The following TRPC6 variants were observed in gnomAD, a reference collection of about 807,000 sequenced individuals.
TRPC6 encodes the protein transient receptor potential cation channel subfamily C member 6.
A neutral mutation model predicts 90.7 loss-of-function variants in TRPC6; 55 were observed. The observed-to-expected ratio is 0.61, with a 90% CI of 0.49 to 0.76. The LOEUF (loss-of-function observed/expected upper bound fraction) is 0.76. TRPC6 is among the 30% of genes least tolerant of loss of function. The pLI, the probability that TRPC6 is intolerant of heterozygous loss-of-function variation, is 0.00. For synonymous variants in TRPC6, 393 were observed against 393.0 expected, an observed-to-expected ratio of 1.00 and a Z score of 0.00; for missense variants, 989 against 1,122.7, an observed-to-expected ratio of 0.88 and a Z score of 1.70.
intron 1 of TRPC6, among the ~76,000 whole-genome samples, chr11:101,548,929 G>A (rs765511993): frequency 6.6e-6 from 1 of 151,870 alleles, no homozygotes; most frequent in Non-Finnish European, 1.5e-5. Flanking sequence ...GAAAGAGTGT[G>A]CAAGGAAATG....
intron 1 of TRPC6, among the ~76,000 whole-genome samples, chr11:101,579,376 C>T (rs1862142287): frequency 6.6e-6 from 1 of 152,098 alleles, no homozygotes; most frequent in Non-Finnish European, 1.5e-5. Flanking sequence ...ATTATCTCAA[C>T]TTTTTAAAAA....
intron 10 of TRPC6, among the ~76,000 whole-genome samples, chr11:101,462,604 C>G (rs1051352657): frequency 3.3e-5 from 5 of 152,056 alleles, no homozygotes; most frequent in African/African-American, 9.6e-5. Context: ...TGATTTGGCT[C>G]TCTGTCTGTT....
At chr11:101,515,129 T>C (rs1860488470) in intron 1 of TRPC6, among the ~76,000 whole-genome samples, 1 of 152,224 alleles carries the variant, frequency 6.6e-6, no homozygotes, top group South Asian at 2.1e-4. Context: ...TCATGGACTT[T>C]AAATCCTTCT....
At chr11:101,552,191 G>C (rs1861465534) in intron 1 of TRPC6, among the ~76,000 whole-genome samples, 1 of 152,016 alleles carries the variant, frequency 6.6e-6, no homozygotes, top group African/African-American at 2.4e-5. Context: ...TAGAAACTTA[G>C]TTTTCTTTTG....
chr11:101,456,540 T>C (rs951888401), intron 10 of TRPC6, among the ~76,000 whole-genome samples: 8 of 152,180 alleles, frequency 5.3e-5, no homozygotes, highest in African/African-American at 1.9e-4. Context: ...ATTCATTAAC[T>C]CACCATTGAC....
intron 3 of TRPC6, among the ~76,000 whole-genome samples, chr11:101,491,046 TA>T (rs1251085093): frequency 6.6e-6 from 1 of 152,220 alleles, no homozygotes; most frequent in Admixed American, 6.5e-5. Context: ...AGATTCTATA[TA>T]AATACGTCTA....
intron 10 of TRPC6, among the ~76,000 whole-genome samples, chr11:101,459,504 G>C (rs1591521418): frequency 6.6e-6 from 1 of 152,072 alleles, no homozygotes; most frequent in Non-Finnish European, 1.5e-5. Context: ...TAAACAGTTT[G>C]TTTTAAGCTA....
chr11:101,582,459 T>A (rs1335507995), intron 1 of TRPC6, among the ~76,000 whole-genome samples: 1 of 152,104 alleles, frequency 6.6e-6, no homozygotes, highest in Non-Finnish European at 1.5e-5. Flanking sequence ...AGAAATGCTA[T>A]CTGCCCGCTG....
At chr11:101,537,564 G>A (rs1861079776) in intron 1 of TRPC6, among the ~76,000 whole-genome samples, 1 of 151,868 alleles carries the variant, frequency 6.6e-6, no homozygotes, top group African/African-American at 2.4e-5. Flanking sequence ...GGTCATCTGG[G>A]GCACATTTTC....
intron 1 of TRPC6, among the ~76,000 whole-genome samples, chr11:101,527,282 T>C (rs1217979351): frequency 6.6e-6 from 1 of 152,220 alleles, no homozygotes; most frequent in Non-Finnish European, 1.5e-5. Context: ...TAAATATGTT[T>C]ATGTTTTCAC....
intron 7 of TRPC6, 59 bp downstream of exon 7, chr11:101,473,450 T>TTAAAC: frequency 1.9e-6 from 3 of 1,588,564 alleles, no homozygotes; most frequent in Non-Finnish European, 2.6e-6. Flanking sequence ...ATAAACGCTG[T>TTAAAC]TAAACTAATA....
chr11:101,569,909 A>G (rs1046726653), intron 1 of TRPC6, among the ~76,000 whole-genome samples: 10 of 152,194 alleles, frequency 6.6e-5, no homozygotes, highest in African/African-American at 2.4e-4. Context: ...TGCCCACAAG[A>G]AAAAGCATAA....
At chr11:101,516,951 G>T (rs1049038306) in intron 1 of TRPC6, among the ~76,000 whole-genome samples, 1 of 152,182 alleles carries the variant, frequency 6.6e-6, no homozygotes, top group Non-Finnish European at 1.5e-5. Flanking sequence ...GTCAATCAAG[G>T]TTTTTTGCCA....
chr11:101,514,156 T>C (rs184211612), intron 1 of TRPC6, among the ~76,000 whole-genome samples: 5 of 152,276 alleles, frequency 3.3e-5, no homozygotes, highest in Non-Finnish European at 4.4e-5. Context: ...ACCGGGATCG[T>C]AACAGTTCAT....
At position 101,452,967 on chromosome 11, in the gene TRPC6, T is replaced by C. The variant is rs745608223; in HGVS notation, c.2784A>G (p.Glu928=). 1.2e-6 allele frequency: 2 copies of C among 1,613,876 alleles called. No homozygotes were observed. Residue 928 remains glutamate, a synonymous_variant, in exon 13 of 13, where the codon GAA becomes GAG. Coordinates refer to ENST00000344327, the MANE Select transcript of TRPC6 (RefSeq NM_004621.6). ...EKLSMEPNQE[E]TNR ...GGAAGTCTTCGCATTATCTATTGGT[T>C]TCCTCTTGATTTGGTTCCATGGATA... is the stretch of plus-strand genomic sequence containing the variant.
intron 11 of TRPC6, among the ~76,000 whole-genome samples, chr11:101,454,615 C>A (rs897287812): frequency 5.3e-5 from 8 of 151,294 alleles, no homozygotes; most frequent in African/African-American, 1.7e-4. Flanking sequence ...ATTATATATG[C>A]ATTTTATAAT....
rs570100827 is a variant in TRPC6, at chr11:101,558,498, T to C, written c.170+24836A>G. ...ACACACACACACACACACACACACATATACTAATCAGTGAAACAGAATAGA... is the reference window on the plus strand; with the variant it reads ...ACACACACACACACACACACACACACATACTAATCAGTGAAACAGAATAGA... On this transcript the variant is annotated intron_variant, in intron 1 of 12. Transcript: ENST00000344327. Among the ~76,000 whole-genome samples the C allele has an allele frequency of 1.4e-4, 17 of 124,278 alleles. 4 individuals are homozygous for C. In the South Asian group the frequency reaches 1.5e-3, roughly 11 times the overall value. 81.5% of individuals were successfully genotyped at this position (124,278 alleles called of 152,430 possible).
At chr11:101,520,306 C>A (rs1343460328) in intron 1 of TRPC6, among the ~76,000 whole-genome samples, 1 of 152,118 alleles carries the variant, frequency 6.6e-6, no homozygotes, top group Non-Finnish European at 1.5e-5. Flanking sequence ...TCGCCTTCCA[C>A]CACAATTGTA....
At chr11:101,455,218 T>C (rs954139577) in intron 10 of TRPC6, 117 bp from the exon 11 acceptor site, 13 of 788,190 alleles carry the variant, frequency 1.6e-5, no homozygotes, top group Middle Eastern at 2.7e-4. Flanking sequence ...TCTATATGTA[T>C]AGTGCCATTT....
Sources: allele counts gnomAD v4.1 joint callset (sites outside exome capture counted in the v4.1 genomes callset), GRCh38; gene constraint gnomAD v4.1.1; transcripts MANE v1.5; gene names NCBI Gene and HGNC (gene_info 2026-07-23, HGNC 2026-07-21).